AGBL1: variants seen among roughly 807,000 people sequenced by gnomAD.
The protein encoded by AGBL1 is cytosolic carboxypeptidase 4.
Under a neutral mutation model 118.9 loss-of-function variants are expected in AGBL1, and 130 were observed. That is an observed-to-expected ratio of 1.09 (90% confidence interval 0.95 to 1.26). The LOEUF is 1.26. AGBL1 is among the 50% of genes most tolerant of loss of function. The pLI is 0.00. For synonymous variants in AGBL1, 555 were observed against 478.9 expected (o/e 1.16, Z -2.08); for missense variants, 1,584 against 1,298.1 (o/e 1.22, Z -3.38).
At position 86,699,162 on chromosome 15, in the gene AGBL1, CA is replaced by C. The variant is rs556673867; in HGVS notation, c.3158+24733del. ...AATAATTTCAACCTCACAAAAATTT[CA>C]AAAAAATTTTGTATATCTTCATTGA... On this transcript the variant is annotated intron_variant, in intron 22 of 22. Transcript: ENST00000614907. 4.6e-3 allele frequency among the ~76,000 whole-genome samples: 694 copies of C among 151,572 alleles called. 4 individuals carry two copies. The highest frequency in any genetic ancestry group is 0.016 in the African/African-American group (662 of 41,428).
chr15:86,140,883 CT>C (rs2076953929), intron 1 of AGBL1, among the ~76,000 whole-genome samples: 1 of 152,136 alleles, frequency 6.6e-6, no homozygotes, highest in African/African-American at 2.4e-5. Context: ...AATAATGAAG[CT>C]GAAGACATAA....
intron 22 of AGBL1, among the ~76,000 whole-genome samples, chr15:86,823,531 C>T (rs1277082782): frequency 6.6e-6 from 1 of 152,110 alleles, no homozygotes; most frequent in African/African-American, 2.4e-5. Context: ...TTAGCACAGA[C>T]CAATCAGGAA....
intron 5 of AGBL1, among the ~76,000 whole-genome samples, chr15:86,194,092 T>C (rs2077763079): frequency 6.6e-6 from 1 of 152,352 alleles, no homozygotes; most frequent in Admixed American, 6.5e-5. Context: ...TCACTCGTAC[T>C]CACATCCTGT....
chr15:86,860,347 G>A (rs2079543811), intron 22 of AGBL1, among the ~76,000 whole-genome samples: 1 of 151,878 alleles, frequency 6.6e-6, no homozygotes, highest in Non-Finnish European at 1.5e-5. Flanking sequence ...CATCAAGAGA[G>A]CCAGCTCCCC....
chr15:86,375,962 G>A (rs1212081830), intron 17 of AGBL1, among the ~76,000 whole-genome samples: 1 of 152,216 alleles, frequency 6.6e-6, no homozygotes, highest in African/African-American at 2.4e-5. Flanking sequence ...AGTCTGGTGA[G>A]CCAGGCAGCC....
rs80351104 is a variant in AGBL1 at position 86,601,280 on chromosome 15, C to G, written c.2994+46743C>G. On this transcript the variant is annotated intron_variant, in intron 21 of 22. Coordinates refer to ENST00000614907, the MANE Select transcript of AGBL1 (RefSeq NM_001386094.1). ...TAGCTAGCACTCAGTTAAGGGTTAT[C>G]AAATCCTCAGCCTGGAATTTTGAAA... 2.7e-3 allele frequency among the ~76,000 whole-genome samples: 412 copies of G among 152,244 alleles called. 2 individuals carry two copies. Among genetic ancestry groups the G allele is most frequent in the Non-Finnish European group, 3.6e-3 (247 of 67,996 alleles).
intron 24 of AGBL1, among the ~76,000 whole-genome samples, chr15:87,028,363 C>T (rs1036127373): frequency 6.6e-6 from 1 of 151,820 alleles, no homozygotes; most frequent in Non-Finnish European, 1.5e-5. Context: ...TAGACTCAAA[C>T]GTGGTTAGTG....
intron 21 of AGBL1, among the ~76,000 whole-genome samples, chr15:86,633,423 A>G (rs947681040): frequency 2.0e-5 from 3 of 152,148 alleles, no homozygotes; most frequent in Admixed American, 6.6e-5. Flanking sequence ...AATGATATAT[A>G]TACTGTAACA....
chr15:86,366,046 G>T (rs558991516), intron 17 of AGBL1, among the ~76,000 whole-genome samples: 2 of 152,260 alleles, frequency 1.3e-5, no homozygotes, highest in African/African-American at 2.4e-5. Flanking sequence ...TTAGCCCTTT[G>T]TGTCCCCAGG....
chr15:86,145,368 C>T (rs766992936), intron 3 of AGBL1, among the ~76,000 whole-genome samples: 1 of 152,200 alleles, frequency 6.6e-6, no homozygotes, highest in Non-Finnish European at 1.5e-5. Context: ...TGAAACATTT[C>T]CCTAAAACTC....
At chr15:86,674,801 C>T (rs2085809017) in intron 22 of AGBL1, among the ~76,000 whole-genome samples, 1 of 152,066 alleles carries the variant, frequency 6.6e-6, no homozygotes, top group South Asian at 2.1e-4. Flanking sequence ...AAAACAATGG[C>T]AATCTCATTG....
At chr15:86,607,244 A>G (rs1459166912) in intron 21 of AGBL1, among the ~76,000 whole-genome samples, 1 of 152,148 alleles carries the variant, frequency 6.6e-6, no homozygotes, top group South Asian at 2.1e-4. Context: ...TCCAAGCTTT[A>G]GCTATCATGA....
At chr15:86,867,372 C>A (rs545935766) in intron 22 of AGBL1, among the ~76,000 whole-genome samples, 52 of 152,210 alleles carry the variant, frequency 3.4e-4, no homozygotes, top group African/African-American at 1.2e-3. Context: ...AATCAACTCA[C>A]CTACTAGGTA....
intron 19 of AGBL1, among the ~76,000 whole-genome samples, chr15:86,536,532 A>G (rs2083428309): frequency 6.6e-6 from 1 of 152,102 alleles, no homozygotes. Flanking sequence ...GATGGTCTCT[A>G]TCTCTTGACC....
intron 22 of AGBL1, among the ~76,000 whole-genome samples, chr15:86,744,580 C>T (rs958463308): frequency 6.6e-6 from 1 of 152,090 alleles, no homozygotes; most frequent in Non-Finnish European, 1.5e-5. Context: ...GGCAGAGGCA[C>T]CTTTCTTTAT....
chr15:86,871,879 A>G (rs1438524612), intron 22 of AGBL1, among the ~76,000 whole-genome samples: 1 of 152,182 alleles, frequency 6.6e-6, no homozygotes, highest in African/African-American at 2.4e-5. Context: ...GATTGGTTGA[A>G]TTATTTATTT....
chr15:86,766,624 A>T (rs1466225715), intron 22 of AGBL1, among the ~76,000 whole-genome samples: 1 of 151,880 alleles, frequency 6.6e-6, no homozygotes, highest in Non-Finnish European at 1.5e-5. Context: ...CAGTGCCAAG[A>T]TTCCCTTATT....
intron 22 of AGBL1, among the ~76,000 whole-genome samples, chr15:86,878,953 G>T (rs1220994852): frequency 6.6e-6 from 1 of 152,208 alleles, no homozygotes; most frequent in African/African-American, 2.4e-5. Flanking sequence ...TGAAGAGAGA[G>T]CTGCTGTTCC....
intron 23 of AGBL1, among the ~76,000 whole-genome samples, chr15:86,951,971 G>A (rs958161546): frequency 3.3e-5 from 5 of 152,230 alleles, no homozygotes; most frequent in East Asian, 3.9e-4. Context: ...GGTGGCTCAC[G>A]CTTGTAATCC....
Sources: allele counts gnomAD v4.1 joint callset (sites outside exome capture counted in the v4.1 genomes callset), GRCh38; gene constraint gnomAD v4.1.1; transcripts MANE v1.5; gene names NCBI Gene and HGNC (gene_info 2026-07-23, HGNC 2026-07-21).